Variants in RAD51B observed in about 807,000 individuals in gnomAD.
RAD51B encodes RAD51 paralog B.
A neutral mutation model predicts 42.2 loss-of-function variants in RAD51B; 38 were observed. The observed-to-expected ratio is 0.90, with a 90% CI of 0.70 to 1.18. The LOEUF (loss-of-function observed/expected upper bound fraction) is 1.18, where lower values mean the gene tolerates loss of function less well. RAD51B is among the 50% of genes most tolerant of loss of function. The pLI is 0.00. For synonymous variants in RAD51B, 154 were observed against 145.2 expected, an observed-to-expected ratio of 1.06 and a Z score of -0.43; for missense variants, 373 against 400.7, an observed-to-expected ratio of 0.93 and a Z score of 0.59.
At chr14:68,165,244 C>T (rs1330810064) in intron 7 of RAD51B, among the ~76,000 whole-genome samples, 1 of 152,084 alleles carries the variant, frequency 6.6e-6, no homozygotes, top group Non-Finnish European at 1.5e-5. Context: ...TTTAAAATCA[C>T]TTTAAAATGA....
At chr14:68,592,791 T>C (rs541560303) in intron 10 of RAD51B, among the ~76,000 whole-genome samples, 1 of 152,394 alleles carries the variant, frequency 6.6e-6, no homozygotes, top group East Asian at 1.9e-4. Flanking sequence ...ATTTTGGCAT[T>C]GATTCCCTTC....
At chr14:68,147,225 G>T (rs1482369406) in intron 7 of RAD51B, among the ~76,000 whole-genome samples, 2 of 152,136 alleles carry the variant, frequency 1.3e-5, no homozygotes, top group East Asian at 3.8e-4. Context: ...ATGACACTGG[G>T]ACTATGTGTT....
At chr14:67,827,018 A>C (rs2040859542) in intron 3 of RAD51B, among the ~76,000 whole-genome samples, 1 of 152,200 alleles carries the variant, frequency 6.6e-6, no homozygotes, top group African/African-American at 2.4e-5. Context: ...TTAGCTTGTG[A>C]TCTGAGGAAA....
chr14:68,626,466 C>A (rs919440284), intron 10 of RAD51B, among the ~76,000 whole-genome samples: 2 of 152,216 alleles, frequency 1.3e-5, no homozygotes, highest in Non-Finnish European at 2.9e-5. Context: ...TCAGCTCACT[C>A]AGGATGTCTT....
intron 7 of RAD51B, among the ~76,000 whole-genome samples, chr14:67,899,623 G>A (rs1202905174): frequency 6.6e-6 from 1 of 152,138 alleles, no homozygotes; most frequent in Non-Finnish European, 1.5e-5. Flanking sequence ...CAGAGTTTGT[G>A]TTAATTGTTT....
At chr14:67,900,207 C>T (rs1212799169) in intron 7 of RAD51B, among the ~76,000 whole-genome samples, 2 of 152,148 alleles carry the variant, frequency 1.3e-5, no homozygotes, top group Non-Finnish European at 2.9e-5. Flanking sequence ...GCAAATCACA[C>T]ATGTAATGTT....
chr14:68,179,715 A>G (rs915313020), intron 7 of RAD51B, among the ~76,000 whole-genome samples: 1 of 152,138 alleles, frequency 6.6e-6, no homozygotes, highest in Non-Finnish European at 1.5e-5. Context: ...AGAGGGATAC[A>G]AGTTGAAAAA....
intron 7 of RAD51B, among the ~76,000 whole-genome samples, chr14:68,046,636 T>G (rs1170971048): frequency 1.3e-5 from 2 of 152,138 alleles, no homozygotes; most frequent in Non-Finnish European, 2.9e-5. Flanking sequence ...CTCTGGAGGC[T>G]GAGATGGGAG....
chr14:68,243,009 G>A (rs1013075066), intron 7 of RAD51B, among the ~76,000 whole-genome samples: 1 of 152,120 alleles, frequency 6.6e-6, no homozygotes, highest in Non-Finnish European at 1.5e-5. Flanking sequence ...CTTGAAGGAG[G>A]CTCTTGGCAC....
intron 10 of RAD51B, among the ~76,000 whole-genome samples, chr14:68,513,361 T>C (rs182528197): frequency 3.3e-3 from 506 of 152,226 alleles, no homozygotes; most frequent in Non-Finnish European, 4.8e-3. Context: ...TACCAATTAG[T>C]GTTAAGCCCA....
intron 4 of RAD51B, among the ~76,000 whole-genome samples, chr14:67,861,633 A>G (rs1246290589): frequency 2.0e-5 from 3 of 151,920 alleles, no homozygotes; most frequent in African/African-American, 4.8e-5. Context: ...AAGACAAGAG[A>G]TGTCAAATTT....
chr14:68,182,582 T>G (rs2079077190), intron 7 of RAD51B, among the ~76,000 whole-genome samples: 2 of 152,260 alleles, frequency 1.3e-5, no homozygotes, highest in African/African-American at 4.8e-5. Flanking sequence ...TACACGTGTG[T>G]GTGTGTGTGC....
chr14:68,396,024 G>A (rs533505544), intron 8 of RAD51B, among the ~76,000 whole-genome samples: 7 of 152,288 alleles, frequency 4.6e-5, no homozygotes, highest in Admixed American at 1.3e-4. Flanking sequence ...AGCAGACATG[G>A]GAAATATCTA....
intron 7 of RAD51B, among the ~76,000 whole-genome samples, chr14:68,237,771 C>T (rs1410263191): frequency 1.7e-4 from 20 of 114,656 alleles, no homozygotes; most frequent in African/African-American, 6.9e-4. Flanking sequence ...GAGTCTTGCT[C>T]TGTCACCAGG....
intron 7 of RAD51B, among the ~76,000 whole-genome samples, chr14:68,126,609 G>C (rs1449127489): frequency 3.3e-5 from 5 of 152,280 alleles, no homozygotes; most frequent in African/African-American, 1.2e-4. Context: ...CAGCAGAGGT[G>C]CTTTTTACTT....
chr14:68,439,664 T>G (rs956659940), intron 9 of RAD51B, among the ~76,000 whole-genome samples: 1 of 152,148 alleles, frequency 6.6e-6, no homozygotes, highest in Non-Finnish European at 1.5e-5. Context: ...AGGGCAAACA[T>G]TTGTGCTGTG....
At chr14:68,477,081 C>T (rs886956488) in intron 10 of RAD51B, among the ~76,000 whole-genome samples, 14 of 152,172 alleles carry the variant, frequency 9.2e-5, no homozygotes, top group Non-Finnish European at 1.0e-4. Context: ...AGACATGACC[C>T]CCTGAGGCTT....
chr14:68,611,515 C>A, exon 11 of RAD51B: 1 of 495,630 alleles, frequency 2.0e-6, no homozygotes, highest in South Asian at 2.3e-5. Flanking sequence ...TGCAGCATCT[C>A]TATTGTAAAA....
intron 7 of RAD51B, among the ~76,000 whole-genome samples, chr14:67,985,147 C>G (rs1323145742): frequency 6.6e-6 from 1 of 152,178 alleles, no homozygotes; most frequent in Non-Finnish European, 1.5e-5. Flanking sequence ...CAGTGTAGTA[C>G]AGTCAGCTCC....
Sources: allele counts gnomAD v4.1 joint callset (sites outside exome capture counted in the v4.1 genomes callset), GRCh38; gene constraint gnomAD v4.1.1; transcripts MANE v1.5; gene names NCBI Gene and HGNC (gene_info 2026-07-23, HGNC 2026-07-21).